CELF4: variants seen among roughly 807,000 people sequenced by gnomAD.
CELF4 encodes the protein CUGBP Elav-like family member 4, also known as CUG-BP- and ETR-3-like factor 4.
A neutral mutation model predicts 59.9 loss-of-function variants in CELF4; 18 were observed. The ratio of observed to expected loss-of-function variants is 0.30; its 90% CI spans 0.21 to 0.45. The LOEUF (loss-of-function observed/expected upper bound fraction) is 0.45, where lower values mean the gene tolerates loss of function less well. Among genes scored for constraint, CELF4 ranks in the 20% least tolerant of loss-of-function variants. CELF4 has a pLI of 1.00. For synonymous variants in CELF4, 261 were observed against 267.1 expected, an observed-to-expected ratio of 0.98 and a Z score of 0.22; for missense variants, 456 against 689.0, an observed-to-expected ratio of 0.66 and a Z score of 3.79.
intron 3 of CELF4, among the ~76,000 whole-genome samples, chr18:37,288,028 T>C (rs1358294718): frequency 6.6e-6 from 1 of 152,172 alleles, no homozygotes; most frequent in Admixed American, 6.5e-5. Context: ...GTGCTGACTC[T>C]CAAAATAACA....
chr18:37,430,600 G>A (rs1270803615), intron 2 of CELF4, among the ~76,000 whole-genome samples: 1 of 152,212 alleles, frequency 6.6e-6, no homozygotes, highest in African/African-American at 2.4e-5. Flanking sequence ...GATAACTGAG[G>A]TTTAGGGCCT....
chr18:37,448,595 G>C (rs1377877785), intron 2 of CELF4, among the ~76,000 whole-genome samples: 1 of 152,234 alleles, frequency 6.6e-6, no homozygotes, highest in Non-Finnish European at 1.5e-5. Flanking sequence ...CGCAGGTGCT[G>C]GCCCCTGACA....
intron 2 of CELF4, among the ~76,000 whole-genome samples, chr18:37,358,608 T>G (rs988920722): frequency 6.6e-6 from 1 of 152,190 alleles, no homozygotes; most frequent in Non-Finnish European, 1.5e-5. Flanking sequence ...CCTGTTTGTG[T>G]TCTCCTGAAT....
chr18:37,454,574 C>T (rs2099772957), intron 2 of CELF4, among the ~76,000 whole-genome samples: 1 of 152,070 alleles, frequency 6.6e-6, no homozygotes. Context: ...TGTTCACACC[C>T]CCGCAATAAG....
intron 2 of CELF4, among the ~76,000 whole-genome samples, chr18:37,464,656 C>T (rs561653188): frequency 3.3e-5 from 5 of 152,216 alleles, no homozygotes; most frequent in South Asian, 4.2e-4. Flanking sequence ...CTTTGAATCT[C>T]GGAGCCCCTG....
rs569217571 is a variant in CELF4, at chr18:37,246,260, G to C, written c.*45-1063C>G. 6.6e-6 allele frequency among the ~76,000 whole-genome samples: 1 copy of C among 152,112 alleles called. No individual in the cohort carries two copies. On this transcript the variant is annotated intron_variant, in intron 12 of 12. Transcript: ENST00000420428. This position sits in a 1 kb window ranked among gnomAD's most constrained non-coding sequence, Gnocchi z 5.3. ...CTGTTGATTCAACAAACAGCAAACC[G>C]TACACAGCAGTCTAAACAATTACAA...
At chr18:37,304,565 A>G (rs2096275471) in intron 3 of CELF4, among the ~76,000 whole-genome samples, 1 of 53,952 alleles carries the variant, frequency 1.9e-5, no homozygotes, top group South Asian at 1.3e-3. Context: ...GCCAAGAATA[A>G]AGAAATGAGC....
At chr18:37,349,107 A>G (rs1342023417) in intron 2 of CELF4, among the ~76,000 whole-genome samples, 1 of 152,256 alleles carries the variant, frequency 6.6e-6, no homozygotes, top group Non-Finnish European at 1.5e-5. Context: ...TCAGGGATGA[A>G]GCAGGGGGAG....
intron 11 of CELF4, among the ~76,000 whole-genome samples, chr18:37,257,153 G>A (rs745503921): frequency 1.3e-5 from 2 of 152,200 alleles, no homozygotes; most frequent in Admixed American, 6.5e-5. Flanking sequence ...GCTTAGAGCA[G>A]ACTGCAAGGA....
intron 2 of CELF4, among the ~76,000 whole-genome samples, chr18:37,344,817 C>G (rs1485799175): frequency 2.0e-5 from 3 of 152,228 alleles, no homozygotes; most frequent in Non-Finnish European, 4.4e-5. Flanking sequence ...GGGGAGGGGA[C>G]ACGCCCTGGC....
intron 2 of CELF4, among the ~76,000 whole-genome samples, chr18:37,460,991 TACATC>T (rs1170547056): frequency 6.6e-6 from 1 of 152,222 alleles, no homozygotes; most frequent in African/African-American, 2.4e-5. Flanking sequence ...TGCCATACAA[TACATC>T]ACATGCTAGT....
At chr18:37,263,068 G>A (rs2075696050) in intron 10 of CELF4, among the ~76,000 whole-genome samples, 1 of 152,166 alleles carries the variant, frequency 6.6e-6, no homozygotes, top group Non-Finnish European at 1.5e-5. Flanking sequence ...CTTGGTAAAG[G>A]AAGGGCAGTG....
intron 2 of CELF4, among the ~76,000 whole-genome samples, chr18:37,379,829 T>C (rs1421408843): frequency 6.6e-6 from 1 of 152,058 alleles, no homozygotes; most frequent in Non-Finnish European, 1.5e-5. Context: ...CAGCTCCCCA[T>C]TTTGTGTGCA....
rs1272928326 is a variant in CELF4, at chr18:37,302,233, G to GCCCCT, written c.448+19565_448+19569dup. Among the ~76,000 whole-genome samples the GCCCCT allele has an allele frequency of 4.6e-3, 704 of 152,198 alleles. 5 individuals are homozygous for GCCCCT. The highest frequency in any genetic ancestry group is 0.016 in the African/African-American group (669 of 41,526). ...CTGTCCAATGCCCCACCTCATCAGA[G>GCCCCT]CCCCTCCCCTCCCCTTCTCCTATCC... is the stretch of plus-strand genomic sequence containing the variant. On this transcript the variant is annotated intron_variant, in intron 3 of 12. Coordinates refer to ENST00000420428, the MANE Select transcript of CELF4 (RefSeq NM_020180.4).
intron 1 of CELF4, among the ~76,000 whole-genome samples, chr18:37,511,733 C>T (rs2099944568): frequency 6.6e-6 from 1 of 151,906 alleles, no homozygotes; most frequent in Admixed American, 6.6e-5. Flanking sequence ...TATCCTTTCC[C>T]TCACACTCTC....
chr18:37,494,551 C>T (rs1023469744), intron 1 of CELF4, among the ~76,000 whole-genome samples: 1 of 152,180 alleles, frequency 6.6e-6, no homozygotes, highest in African/African-American at 2.4e-5. Context: ...GTTTTTTTGG[C>T]AGAGGGCCTT....
At chr18:37,439,286 C>T (rs905942450) in intron 2 of CELF4, among the ~76,000 whole-genome samples, 3 of 152,082 alleles carry the variant, frequency 2.0e-5, no homozygotes, top group Non-Finnish European at 2.9e-5. Context: ...ACTTGGATGG[C>T]CATGGGACAG....
Position 37,245,077 on chromosome 18 carries a change from C to G in CELF4, c.*165G>C, listed in dbSNP as rs903463398. The G allele has an allele frequency of 2.0e-5, 3 of 152,462 alleles. No individual in the cohort carries two copies. Among genetic ancestry groups the G allele is most frequent in the Non-Finnish European group, 4.4e-5 (3 of 68,036 alleles). 9.4% of individuals were successfully genotyped at this position (152,462 alleles called of 1,614,324 possible). A position where few individuals can be genotyped will look rare whatever the true frequency, so the allele number is the denominator to read the frequency against. On this transcript the variant is annotated 3_prime_UTR_variant, in exon 13 of 13. Coordinates refer to ENST00000420428, the MANE Select transcript of CELF4 (RefSeq NM_020180.4). This position sits in a 1 kb window ranked among gnomAD's most constrained non-coding sequence, Gnocchi z 4.1. ...AATGTTACAGTCACACAGACAGTGT[C>G]TGGAGTCTTCAGCTTGATTGATATT...
At position 37,323,499 on chromosome 18, in the gene CELF4, G is replaced by A. The variant is rs2097194709; in HGVS notation, c.370-1618C>T. 5.3e-5 allele frequency among the ~76,000 whole-genome samples: 8 copies of A among 152,284 alleles called. 1 individual carries two copies. The Middle Eastern group carries it at 0.02, about 388-fold the overall frequency. On this transcript the variant is annotated intron_variant, in intron 2 of 12. Coordinates refer to ENST00000420428, the MANE Select transcript of CELF4 (RefSeq NM_020180.4). ...AGTCTTTGAGGGAAAGATCCAGAAG[G>A]CCGCCCAGGCATCTGGCTATGGGAG...
Sources: allele counts gnomAD v4.1 joint callset (sites outside exome capture counted in the v4.1 genomes callset), GRCh38; gene constraint gnomAD v4.1.1; non-coding constraint Gnocchi (gnomAD v3.1); transcripts MANE v1.5; gene names NCBI Gene and HGNC (gene_info 2026-07-23, HGNC 2026-07-21).